The following CTNND2 variants were observed in gnomAD, a reference collection of about 807,000 sequenced individuals.
The protein encoded by CTNND2 is catenin delta-2.
CTNND2 carries 22 observed loss-of-function variants against 144.4 expected under a neutral mutation model. That is an observed-to-expected ratio of 0.15 (90% CI 0.11 to 0.22). CTNND2 has a LOEUF of 0.22. Ranked by LOEUF, CTNND2 falls within the 10% of genes least tolerant of loss-of-function variation. The pLI, the probability that CTNND2 is intolerant of heterozygous loss-of-function variation, is 1.00. For synonymous variants in CTNND2, 751 were observed against 695.6 expected, an observed-to-expected ratio of 1.08 and a Z score of -1.25; for missense variants, 1,353 against 1,618.8, an observed-to-expected ratio of 0.84 and a Z score of 2.82.
chr5:11,665,683 TTC>T (rs565743133), intron 2 of CTNND2, among the ~76,000 whole-genome samples: 1 of 152,218 alleles, frequency 6.6e-6, no homozygotes, highest in Non-Finnish European at 1.5e-5. Context: ...CTTGCTCTTC[TTC>T]TCTCTATCTT....
intron 2 of CTNND2, among the ~76,000 whole-genome samples, chr5:11,590,375 A>G (rs993688136): frequency 6.6e-6 from 1 of 152,100 alleles, no homozygotes; most frequent in African/African-American, 2.4e-5. Flanking sequence ...ATACAAGCTT[A>G]TTATTAAAAA....
At chr5:11,633,102 C>T (rs899334308) in intron 2 of CTNND2, among the ~76,000 whole-genome samples, 2 of 152,206 alleles carry the variant, frequency 1.3e-5, no homozygotes, top group Admixed American at 6.5e-5. Context: ...TAGTTGTAAA[C>T]TTCCCATATT....
intron 2 of CTNND2, among the ~76,000 whole-genome samples, chr5:11,650,115 T>C (rs1228401013): frequency 1.3e-5 from 2 of 152,208 alleles, no homozygotes; most frequent in Non-Finnish European, 2.9e-5. Context: ...AGGAGGGGCC[T>C]GGTGGAACAT....
At chr5:11,287,416 C>G (rs1401621647) in intron 9 of CTNND2, among the ~76,000 whole-genome samples, 1 of 152,240 alleles carries the variant, frequency 6.6e-6, no homozygotes, top group Admixed American at 6.5e-5. Context: ...CAAGCCTCCA[C>G]TATTGCAGAG....
intron 9 of CTNND2, among the ~76,000 whole-genome samples, chr5:11,260,110 T>C (rs928308385): frequency 6.6e-6 from 1 of 152,166 alleles, no homozygotes; most frequent in Non-Finnish European, 1.5e-5. Context: ...TGTGTTCATA[T>C]CTAATATTTG....
intron 11 of CTNND2, among the ~76,000 whole-genome samples, chr5:11,170,561 A>AACACACATAC (rs760047745): frequency 6.6e-6 from 1 of 151,962 alleles, no homozygotes; most frequent in Non-Finnish European, 1.5e-5. Context: ...CCTCTACTAA[A>AACACACATAC]ACACACATAC....
intron 5 of CTNND2, among the ~76,000 whole-genome samples, chr5:11,409,695 A>G (rs1761363225): frequency 6.6e-6 from 1 of 152,010 alleles, no homozygotes; most frequent in African/African-American, 2.4e-5. Context: ...TTAAATTCCA[A>G]TTTATCTCAC....
intron 9 of CTNND2, among the ~76,000 whole-genome samples, chr5:11,277,483 C>G (rs1561138284): frequency 1.3e-5 from 2 of 149,118 alleles, no homozygotes; most frequent in African/African-American, 2.4e-5. Flanking sequence ...TGCTCTGGTG[C>G]TTTAAGCTTT....
At chr5:11,808,893 C>T (rs956510015) in intron 1 of CTNND2, among the ~76,000 whole-genome samples, 5 of 152,068 alleles carry the variant, frequency 3.3e-5, no homozygotes, top group African/African-American at 1.2e-4. Context: ...CAACTGCAGA[C>T]AAAACATCCA....
At chr5:11,323,127 C>G (rs1752195653) in intron 9 of CTNND2, among the ~76,000 whole-genome samples, 1 of 151,958 alleles carries the variant, frequency 6.6e-6, no homozygotes, top group Non-Finnish European at 1.5e-5. Context: ...CAGCCTTGAA[C>G]TCCTGGGGTT....
At chr5:11,558,384 C>CTGTGTGTGTGTGTG (rs1561554563) in intron 3 of CTNND2, among the ~76,000 whole-genome samples, 4 of 55,094 alleles carry the variant, frequency 7.3e-5, no homozygotes, top group African/African-American at 1.9e-4. Flanking sequence ...GTGTGTGTGA[C>CTGTGTGTGTGTGTG]ACACAAGGTC....
chr5:11,376,211 T>C (rs974713102), intron 7 of CTNND2, among the ~76,000 whole-genome samples: 1 of 152,006 alleles, frequency 6.6e-6, no homozygotes, highest in Non-Finnish European at 1.5e-5. Context: ...ATATTTTTTA[T>C]AGCAACCTAA....
intron 2 of CTNND2, among the ~76,000 whole-genome samples, chr5:11,635,352 G>T (rs1277938404): frequency 1.3e-5 from 2 of 152,064 alleles, no homozygotes; most frequent in African/African-American, 2.4e-5. Context: ...CTACTACTAA[G>T]CATGAGGAAG....
chr5:11,103,593 C>G (rs527958114), intron 14 of CTNND2, among the ~76,000 whole-genome samples: 1 of 152,110 alleles, frequency 6.6e-6, no homozygotes, highest in East Asian at 1.9e-4. Flanking sequence ...TCACTTGAAT[C>G]CAGGAGGTGG....
chr5:11,235,092 T>C (rs1047524233), intron 10 of CTNND2, among the ~76,000 whole-genome samples: 1 of 152,160 alleles, frequency 6.6e-6, no homozygotes, highest in Non-Finnish European at 1.5e-5. Context: ...CCAGCAACCT[T>C]GGCATCAGAA....
chr5:11,452,784 C>T (rs1765409343), intron 3 of CTNND2, among the ~76,000 whole-genome samples: 1 of 152,088 alleles, frequency 6.6e-6, no homozygotes, highest in South Asian at 2.1e-4. Context: ...TGATGTAGTT[C>T]ATTTAAAATT....
At chr5:11,312,655 ACAC>A (rs1171003736) in intron 9 of CTNND2, among the ~76,000 whole-genome samples, 1 of 45,384 alleles carries the variant, frequency 2.2e-5, no homozygotes, top group Non-Finnish European at 6.9e-5. Context: ...CACTCCCCAT[ACAC>A]CACCATCCCA....
intron 2 of CTNND2, among the ~76,000 whole-genome samples, chr5:11,653,653 T>C (rs1782764855): frequency 6.6e-6 from 1 of 152,152 alleles, no homozygotes; most frequent in South Asian, 2.1e-4. Flanking sequence ...TTCTAGCAGA[T>C]ACATGGTGTG....
At chr5:11,386,028 G>A (rs1000695870) in intron 6 of CTNND2, 2 of 152,158 alleles carry the variant, frequency 1.3e-5, no homozygotes, top group East Asian at 1.9e-4. Flanking sequence ...AAAGCCATTC[G>A]CCTCTCATTT....
Sources: gnomAD v4.1 joint callset for allele counts (sites outside exome capture counted in the v4.1 genomes callset) on GRCh38, gnomAD v4.1.1 for gene constraint, MANE v1.5 for transcripts, NCBI Gene and HGNC (gene_info 2026-07-23, HGNC 2026-07-21) for gene names.